Variants in NCEH1 observed in about 807,000 individuals in gnomAD.
NCEH1 encodes the protein neutral cholesterol ester hydrolase 1, also known as 2-acetyl MAGE hydrolase.
In NCEH1, 9 loss-of-function variants were observed where a neutral mutation model predicts 25.4. The observed-to-expected ratio is 0.35, with a 90% CI of 0.21 to 0.62. The LOEUF is 0.62. NCEH1 is among the 20% of genes least tolerant of loss of function. The pLI is 0.72. For synonymous variants in NCEH1, 200 were observed against 199.8 expected, an observed-to-expected ratio of 1.00 and a Z score of -0.01; for missense variants, 412 against 501.1, an observed-to-expected ratio of 0.82 and a Z score of 1.70.
chr3:172,647,746 A>T, intron 2 of NCEH1, 140 bp downstream of exon 2: 1 of 1,166,172 alleles, frequency 8.6e-7, no homozygotes, highest in Non-Finnish European at 1.2e-6. Flanking sequence ...TTTTGCTGGG[A>T]CAACAGGGGT....
chr3:172,681,765 G>A (rs1328626089), intron 1 of NCEH1, among the ~76,000 whole-genome samples: 2 of 148,358 alleles, frequency 1.3e-5, no homozygotes, highest in Admixed American at 1.3e-4. Flanking sequence ...AAATTAGCCA[G>A]GCATGATGGC....
At chr3:172,707,826 T>G (rs976429550) in intron 1 of NCEH1, among the ~76,000 whole-genome samples, 1 of 152,206 alleles carries the variant, frequency 6.6e-6, no homozygotes, top group Non-Finnish European at 1.5e-5. Context: ...GACCTCGTGA[T>G]CCGCCCGCCT....
rs548135559 is a variant in NCEH1 at position 172,664,752 on chromosome 3, C to G, written c.139-16638G>C. ...CCCTTCTTCCACTTGATCGAATCGG[C>G]TACTGAAGCTTGTGCATGTGTCACG... is the stretch of plus-strand genomic sequence containing the variant. On this transcript the variant is annotated intron_variant, in intron 1 of 4. Transcript: ENST00000475381. Among the ~76,000 whole-genome samples, 16 of 152,296 alleles carry G rather than the reference C, an allele frequency of 1.1e-4. No homozygotes were observed. In the South Asian group the frequency reaches 3.3e-3, roughly 32 times the overall value.
chr3:172,708,965 C>T, intron 1 of NCEH1, among the ~76,000 whole-genome samples: 1 of 152,158 alleles, frequency 6.6e-6, no homozygotes, highest in East Asian at 1.9e-4. Context: ...TCATAATGAT[C>T]TTTCTGATAT....
chr3:172,683,868 A>G (rs1271528434), intron 1 of NCEH1, among the ~76,000 whole-genome samples: 4 of 152,204 alleles, frequency 2.6e-5, no homozygotes, highest in Admixed American at 1.3e-4. Context: ...TGATCTGGTA[A>G]AGAAATATAA....
At chr3:172,648,202 C>T (rs1356551667) in intron 1 of NCEH1, 88 bp from the exon 2 acceptor site, 46 of 1,478,786 alleles carry the variant, frequency 3.1e-5, no homozygotes, top group Non-Finnish European at 4.3e-5. Flanking sequence ...TGTCTGAATT[C>T]CTACAAGCAG....
At chr3:172,667,352 A>G (rs1422791210) in intron 1 of NCEH1, among the ~76,000 whole-genome samples, 2 of 152,238 alleles carry the variant, frequency 1.3e-5, no homozygotes, top group Non-Finnish European at 2.9e-5. Flanking sequence ...ATAGCAGGCA[A>G]TCTAGCACAC....
chr3:172,664,798 T>G (rs1229884621), intron 1 of NCEH1, among the ~76,000 whole-genome samples: 2 of 152,216 alleles, frequency 1.3e-5, no homozygotes, highest in East Asian at 3.8e-4. Flanking sequence ...GCCATGGTTT[T>G]CAGCTCCATC....
intron 1 of NCEH1, among the ~76,000 whole-genome samples, chr3:172,649,999 G>A (rs1026886226): frequency 2.6e-4 from 40 of 152,354 alleles, no homozygotes; most frequent in African/African-American, 9.6e-4. Flanking sequence ...TGAGAAGACT[G>A]TACATTTTAT....
chr3:172,685,605 T>A (rs904449646), intron 1 of NCEH1, among the ~76,000 whole-genome samples: 33 of 152,314 alleles, frequency 2.2e-4, no homozygotes, highest in African/African-American at 7.5e-4. Context: ...TTTCATTATA[T>A]CTTGATTGAA....
In NCEH1 at chr3:172,648,147, G is replaced by T. The variant is rs1042288638; in HGVS notation, c.139-33C>A. On this transcript the variant is annotated intron_variant, in intron 1 of 4. Coordinates refer to ENST00000475381, the MANE Select transcript of NCEH1 (RefSeq NM_020792.6). Reference sequence around the variant, plus strand: ...GCGAGGGAGGAAATAAAGAGGGAGGGCGCACGTCAACTTGGCATCACCAGA... The same window carrying T: ...GCGAGGGAGGAAATAAAGAGGGAGGTCGCACGTCAACTTGGCATCACCAGA... The T allele has an allele frequency of 1.9e-6, 3 of 1,612,032 alleles. No individual in the cohort carries two copies. In the African/African-American group the frequency reaches 4.0e-5, roughly 22 times the overall value.
At chr3:172,651,932 G>T (rs1230248894) in intron 1 of NCEH1, among the ~76,000 whole-genome samples, 1 of 152,202 alleles carries the variant, frequency 6.6e-6, no homozygotes, top group Non-Finnish European at 1.5e-5. Context: ...AATAGAAAGT[G>T]ATTTCCCAGG....
In NCEH1 at chr3:172,631,661, T is replaced by C. The variant is rs1426379955; in HGVS notation, c.*1814A>G. On this transcript the variant is annotated 3_prime_UTR_variant, in exon 5 of 5. Coordinates refer to ENST00000475381, the MANE Select transcript of NCEH1 (RefSeq NM_020792.6). ...ATTTTTATACACACACAGGCACACA[T>C]ACATACTGTTGCATTGACTTCTGTT... 6.6e-6 allele frequency: 1 copy of C among 152,652 alleles called. No homozygotes were observed. The highest frequency in any genetic ancestry group is 1.5e-5 in the Non-Finnish European group (1 of 68,040). 9.5% of individuals were successfully genotyped at this position (152,652 alleles called of 1,614,324 possible).
intron 1 of NCEH1, among the ~76,000 whole-genome samples, chr3:172,683,230 C>T (rs111797777): frequency 2.6e-4 from 31 of 119,414 alleles, no homozygotes; most frequent in Middle Eastern, 3.6e-3. Flanking sequence ...GGTGAAACCC[C>T]GTCTCTACTA....
intron 1 of NCEH1, among the ~76,000 whole-genome samples, chr3:172,682,216 G>C (rs4894577): frequency 0.34 from 51,789 of 151,956 alleles, 9,073 homozygotes; most frequent in South Asian, 0.4. Flanking sequence ...ACATGCTTGT[G>C]GAGGCCAAAG....
chr3:172,647,791 T>C, intron 2 of NCEH1, 95 bp downstream of exon 2: 1 of 1,517,996 alleles, frequency 6.6e-7, no homozygotes, highest in East Asian at 2.4e-5. Context: ...AGATAAATGG[T>C]CCCCTTCTTT....
intron 1 of NCEH1, among the ~76,000 whole-genome samples, chr3:172,710,350 G>T (rs1438325958): frequency 1.3e-5 from 2 of 152,158 alleles, no homozygotes; most frequent in Non-Finnish European, 2.9e-5. Context: ...CTCCGGGAAC[G>T]GAGCGCTCCA....
At chr3:172,708,873 C>T (rs1714151100) in intron 1 of NCEH1, among the ~76,000 whole-genome samples, 3 of 152,056 alleles carry the variant, frequency 2.0e-5, no homozygotes, top group Non-Finnish European at 4.4e-5. Context: ...TAGTTTTTTG[C>T]CCTATTTTAC....
intron 1 of NCEH1, among the ~76,000 whole-genome samples, chr3:172,692,611 T>C (rs1713133184): frequency 6.6e-6 from 1 of 152,052 alleles, no homozygotes; most frequent in Admixed American, 6.5e-5. Context: ...GTGACCCACT[T>C]GCCTCAGCCT....
Sources: allele counts gnomAD v4.1 joint callset (sites outside exome capture counted in the v4.1 genomes callset), GRCh38; gene constraint gnomAD v4.1.1; transcripts MANE v1.5; gene names NCBI Gene and HGNC (gene_info 2026-07-23, HGNC 2026-07-21).